CAMK2D: variants seen among roughly 807,000 people sequenced by gnomAD.
CAMK2D encodes calcium/calmodulin-dependent protein kinase type II subunit delta.
CAMK2D carries 37 observed loss-of-function variants against 84.0 expected under a neutral mutation model. The observed-to-expected ratio is 0.44, with a 90% CI of 0.34 to 0.58. The LOEUF is 0.58. Ranked by LOEUF, CAMK2D falls within the 20% of genes least tolerant of loss-of-function variation. CAMK2D has a pLI of 0.02. For synonymous variants in CAMK2D, 202 were observed against 212.5 expected, an observed-to-expected ratio of 0.95 and a Z score of 0.43; for missense variants, 448 against 652.5, an observed-to-expected ratio of 0.69 and a Z score of 3.41.
Position 113,454,267 on chromosome 4 carries a change from G to A in CAMK2D, c.*278C>T. 3.4e-6 allele frequency: 1 copy of A among 298,504 alleles called. No individual in the cohort carries two copies. The highest frequency in any genetic ancestry group is 6.1e-6 in the Non-Finnish European group (1 of 163,406). The allele number at this position is 298,504 out of a possible 1,614,324, so 18.5% of individuals were successfully genotyped here. On this transcript the variant is annotated 3_prime_UTR_variant, in exon 21 of 21. Coordinates refer to ENST00000511664, the MANE Select transcript of CAMK2D (RefSeq NM_001321571.2). ...TGGAATATTGTGGATTTTTTTTTTT[G>A]TCTAATCTCCCCCTATTGTTTTGCC...
At chr4:113,684,653 C>T (rs1344188118) in intron 2 of CAMK2D, among the ~76,000 whole-genome samples, 1 of 152,198 alleles carries the variant, frequency 6.6e-6, no homozygotes, top group Non-Finnish European at 1.5e-5. Flanking sequence ...TATGTCCCAT[C>T]TTGCCTTTCT....
intron 2 of CAMK2D, among the ~76,000 whole-genome samples, chr4:113,734,806 A>G (rs1286461021): frequency 6.6e-6 from 1 of 152,104 alleles, no homozygotes; most frequent in Non-Finnish European, 1.5e-5. Flanking sequence ...AAACCAAAGG[A>G]AAAAGTATAA....
At chr4:113,636,556 A>AC (rs1554021817) in intron 3 of CAMK2D, among the ~76,000 whole-genome samples, 1 of 152,162 alleles carries the variant, frequency 6.6e-6, no homozygotes, top group African/African-American at 2.4e-5. Context: ...CTTACACAAC[A>AC]TATTTATTTC....
intron 9 of CAMK2D, 36 bp from the exon 10 acceptor site, chr4:113,515,227 T>C (rs1459511571): frequency 1.3e-6 from 2 of 1,488,622 alleles, no homozygotes; most frequent in Admixed American, 1.9e-5. Context: ...GTTTAAAAAA[T>C]AGACACACTC....
At chr4:113,518,914 T>A (rs965684153) in intron 8 of CAMK2D, among the ~76,000 whole-genome samples, 1 of 151,878 alleles carries the variant, frequency 6.6e-6, no homozygotes, top group South Asian at 2.1e-4. Flanking sequence ...TTTTAAGTCA[T>A]GTGAATCAAT....
intron 2 of CAMK2D, among the ~76,000 whole-genome samples, chr4:113,728,520 G>C (rs541980253): frequency 6.6e-6 from 1 of 152,316 alleles, no homozygotes; most frequent in East Asian, 1.9e-4. Context: ...GAAACATTTT[G>C]TATTCAGTTT....
intron 2 of CAMK2D, among the ~76,000 whole-genome samples, chr4:113,722,391 C>A (rs1317162321): frequency 6.6e-6 from 1 of 152,094 alleles, no homozygotes. Context: ...CTAATCTAAT[C>A]AAAAATTATT....
chr4:113,468,299 T>C (rs563451367), intron 16 of CAMK2D, among the ~76,000 whole-genome samples: 2 of 152,204 alleles, frequency 1.3e-5, no homozygotes, highest in Non-Finnish European at 2.9e-5. Flanking sequence ...TCACTTCTTA[T>C]GCTTAGAAAC....
chr4:113,761,339 C>A lies in CAMK2D; in HGVS notation c.-271G>T. 7.2e-7 allele frequency: 1 copy of A among 1,389,542 alleles called. No homozygotes were observed. The highest frequency in any genetic ancestry group is 9.3e-7 in the Non-Finnish European group (1 of 1,070,966). 86.1% of individuals were successfully genotyped at this position (1,389,542 alleles called of 1,614,324 possible). A position where few individuals can be genotyped will look rare whatever the true frequency, so the allele number is the denominator to read the frequency against. The stretch of plus-strand genomic sequence containing the variant: ...CCTTCTTCTCCACTGGACGCTCCAC[C>A]CGCCCCTTTTCCAGTCCCTGTCCCC... On this transcript the variant is annotated 5_prime_UTR_variant, in exon 1 of 21. Coordinates refer to ENST00000511664, the MANE Select transcript of CAMK2D (RefSeq NM_001321571.2).
chr4:113,570,697 T>C (rs952873142), intron 4 of CAMK2D, among the ~76,000 whole-genome samples: 12 of 152,184 alleles, frequency 7.9e-5, no homozygotes, highest in Non-Finnish European at 5.9e-5. Flanking sequence ...GTAAAACTAC[T>C]AGAAGAAAAC....
intron 16 of CAMK2D, among the ~76,000 whole-genome samples, chr4:113,478,039 A>G (rs1194571812): frequency 1.3e-5 from 2 of 152,176 alleles, no homozygotes; most frequent in Non-Finnish European, 2.9e-5. Flanking sequence ...AGTAATTAAT[A>G]TTCCACACTT....
At position 113,615,553 on chromosome 4, in the gene CAMK2D, T is replaced by G. The variant is rs558417712; in HGVS notation, c.221-6347A>C. On this transcript the variant is annotated intron_variant, in intron 3 of 20. Transcript: ENST00000511664. ...AAAAGTGAAGCCAAATCTCTCTATG[T>G]GGTTTTTTAAAAAGTATTTCCTATA... Among the ~76,000 whole-genome samples the G allele has an allele frequency of 7.2e-5, 11 of 152,244 alleles. No homozygotes were observed. The East Asian group carries it at 1.9e-3, about 27-fold the overall frequency.
rs149561614 is a variant in CAMK2D at position 113,644,805 on chromosome 4, C to T, written c.220+16908G>A. On this transcript the variant is annotated intron_variant, in intron 3 of 20. Coordinates refer to ENST00000511664, the MANE Select transcript of CAMK2D (RefSeq NM_001321571.2). Reference sequence around the variant, plus strand: ...TAGGATTCAGAATCTACAAAGTGGCCGGGAGACACAAATAAAGCTATTTGT... The same window carrying T: ...TAGGATTCAGAATCTACAAAGTGGCTGGGAGACACAAATAAAGCTATTTGT... Among the ~76,000 whole-genome samples, 440 of 151,822 alleles carry T rather than the reference C, an allele frequency of 2.9e-3. 1 individual carries two copies. The highest frequency in any genetic ancestry group is 9.9e-3 in the African/African-American group (411 of 41,370).
chr4:113,501,647 C>A (rs1016194194), intron 15 of CAMK2D, among the ~76,000 whole-genome samples: 5 of 152,100 alleles, frequency 3.3e-5, no homozygotes, highest in African/African-American at 1.2e-4. Flanking sequence ...AATCTTCATG[C>A]ATTTCTTAAT....
At position 113,706,857 on chromosome 4, in the gene CAMK2D, A is replaced by G. The variant is rs148661693; in HGVS notation, c.161-45085T>C. ...ACCATTCAGGCATAAGTTATTTCCCAGTGTAAAGAAAGAAAGCATTTTTAA... is the reference window on the plus strand; with the variant it reads ...ACCATTCAGGCATAAGTTATTTCCCGGTGTAAAGAAAGAAAGCATTTTTAA... On this transcript the variant is annotated intron_variant, in intron 2 of 20. Transcript: ENST00000511664. Among the ~76,000 whole-genome samples the G allele has an allele frequency of 9.8e-5, 15 of 152,358 alleles. No homozygotes were observed. In the East Asian group the frequency reaches 2.9e-3, roughly 29 times the overall value.
intron 16 of CAMK2D, among the ~76,000 whole-genome samples, chr4:113,487,478 T>C (rs1016113347): frequency 1.3e-5 from 2 of 152,102 alleles, no homozygotes; most frequent in Non-Finnish European, 2.9e-5. Flanking sequence ...TTACATAAAA[T>C]TCATAGTTAA....
intron 2 of CAMK2D, among the ~76,000 whole-genome samples, chr4:113,718,439 G>C (rs1467423051): frequency 1.3e-5 from 2 of 152,182 alleles, no homozygotes; most frequent in Admixed American, 6.6e-5. Flanking sequence ...AGTGATGCCA[G>C]ATGATCCATC....
At chr4:113,474,114 C>T (rs1393798353) in intron 16 of CAMK2D, among the ~76,000 whole-genome samples, 1 of 152,180 alleles carries the variant, frequency 6.6e-6, no homozygotes, top group Non-Finnish European at 1.5e-5. Flanking sequence ...CCACCCCCAG[C>T]TGACTTGCAG....
At chr4:113,712,527 C>A (rs1396486284) in intron 2 of CAMK2D, among the ~76,000 whole-genome samples, 1 of 152,074 alleles carries the variant, frequency 6.6e-6, no homozygotes, top group East Asian at 1.9e-4. Flanking sequence ...TCATTCACCT[C>A]AAATTACATA....
Sources: allele counts gnomAD v4.1 joint callset (sites outside exome capture counted in the v4.1 genomes callset), GRCh38; gene constraint gnomAD v4.1.1; transcripts MANE v1.5; gene names NCBI Gene and HGNC (gene_info 2026-07-23, HGNC 2026-07-21).